Variants in UBR3 observed in about 807,000 individuals in gnomAD.
The protein encoded by UBR3 is E3 ubiquitin-protein ligase UBR3.
UBR3 carries 85 observed loss-of-function variants against 243.2 expected under a neutral mutation model. That is an observed-to-expected ratio of 0.35 (90% CI 0.29 to 0.42). The LOEUF (loss-of-function observed/expected upper bound fraction) is 0.42. UBR3 is among the 10% of genes least tolerant of loss of function. The pLI is 1.00. For synonymous variants in UBR3, 748 were observed against 799.8 expected (o/e 0.94, Z 1.09); for missense variants, 1,686 against 2,300.8 (o/e 0.73, Z 5.47).
chr2:170,050,267 G>A (rs139112161), intron 32 of UBR3, among the ~76,000 whole-genome samples: 230 of 152,306 alleles, frequency 1.5e-3, no homozygotes, highest in African/African-American at 5.3e-3. Flanking sequence ...GAGAGGGTCA[G>A]AGCACATGTA....
At chr2:170,053,007 T>C (rs16857544) in intron 32 of UBR3, among the ~76,000 whole-genome samples, 7,753 of 152,094 alleles carry the variant, frequency 0.051, 389 homozygotes, top group African/African-American at 0.13. Context: ...GGAGGAAAAA[T>C]AAAAGATCAT....
At chr2:170,050,143 T>C (rs1414032157) in intron 32 of UBR3, among the ~76,000 whole-genome samples, 3 of 152,188 alleles carry the variant, frequency 2.0e-5, no homozygotes, top group Non-Finnish European at 4.4e-5. Flanking sequence ...CTAAGGCAAA[T>C]GAAGTCTTTT....
intron 24 of UBR3, among the ~76,000 whole-genome samples, chr2:169,984,276 A>C (rs2088895552): frequency 6.6e-6 from 1 of 152,164 alleles, no homozygotes. Flanking sequence ...CTCATAATGC[A>C]TGTTTCAGGA....
At chr2:169,914,318 C>T (rs986604906) in intron 11 of UBR3, among the ~76,000 whole-genome samples, 172 bp downstream of exon 11, 1 of 152,074 alleles carries the variant, frequency 6.6e-6, no homozygotes, top group African/African-American at 2.4e-5. Flanking sequence ...GAGACTAGTT[C>T]TTTAGTTCTT....
At chr2:169,888,916 A>C (rs375196302) in intron 5 of UBR3, among the ~76,000 whole-genome samples, 2 of 151,934 alleles carry the variant, frequency 1.3e-5, no homozygotes, top group Admixed American at 6.6e-5. Flanking sequence ...GAAACCAAAG[A>C]CTTTTTTTTT....
In UBR3 at chr2:169,949,719, A is replaced by G; in HGVS notation, c.3199A>G (p.Ser1067Gly). 1 of 1,551,716 alleles carries G rather than the reference A, an allele frequency of 6.4e-7. No homozygotes were observed. Among genetic ancestry groups the G allele is most frequent in the Non-Finnish European group, 8.7e-7 (1 of 1,146,790 alleles). Reference protein sequence around the residue: ...ANQVVRPKTSSKWSAPGSAPQ... With the variant: ...ANQVVRPKTSGKWSAPGSAPQ... ...TCAGGTGGTTCGTCCCAAAACTTCA[A>G]GTAAATGGTCTGCTCCTGGTTCAGC... is the stretch of plus-strand genomic sequence containing the variant. The change falls in exon 23 of 39, where the codon AGT becomes GGT. Residue 1067 changes from serine to glycine, a missense_variant. Physicochemically the swap from Ser to Gly is moderately conservative, Grantham distance 56. Around this residue, in one of 8 missense-constraint regions of UBR3, gnomAD observed 300 missense variants for 314.4 expected, o/e 0.95. Transcript: ENST00000272793.
At chr2:170,073,406 T>C in intron 35 of UBR3, 22 bp from the exon 36 acceptor site, 2 of 1,612,112 alleles carry the variant, frequency 1.2e-6, no homozygotes, top group Non-Finnish European at 1.7e-6. Flanking sequence ...ATTTTCAGAA[T>C]TTCCTATTTC....
chr2:169,853,363 G>A (rs1485855738), intron 1 of UBR3, among the ~76,000 whole-genome samples: 2 of 152,092 alleles, frequency 1.3e-5, no homozygotes, highest in Non-Finnish European at 2.9e-5. Context: ...AAGATGTATA[G>A]GTTCTTTCTT....
At chr2:169,891,293 C>G (rs2084364767) in intron 6 of UBR3, 62 bp downstream of exon 6, 3 of 1,266,470 alleles carry the variant, frequency 2.4e-6, no homozygotes, top group Non-Finnish European at 3.3e-6. Flanking sequence ...TGCCTAATCA[C>G]TAAAAATACT....
chr2:170,055,924 T>C (rs1025122811), intron 33 of UBR3, among the ~76,000 whole-genome samples: 1 of 152,138 alleles, frequency 6.6e-6, no homozygotes, highest in Non-Finnish European at 1.5e-5. Context: ...ACTTTTTCTT[T>C]TTGTCCCTAT....
intron 35 of UBR3, among the ~76,000 whole-genome samples, chr2:170,065,900 T>G (rs932831450): frequency 6.6e-6 from 1 of 152,046 alleles, no homozygotes; most frequent in African/African-American, 2.4e-5. Context: ...AGTACTATTT[T>G]GAGCCGTGGA....
intron 8 of UBR3, among the ~76,000 whole-genome samples, chr2:169,900,255 G>C (rs2084765402): frequency 6.6e-6 from 1 of 152,184 alleles, no homozygotes; most frequent in East Asian, 1.9e-4. Context: ...CAGTGATGAT[G>C]AGCATTTTTC....
intron 8 of UBR3, among the ~76,000 whole-genome samples, chr2:169,899,573 T>C (rs1375929831): frequency 6.6e-6 from 1 of 152,180 alleles, no homozygotes; most frequent in Admixed American, 6.5e-5. Flanking sequence ...GTTTGTTACC[T>C]AGGTATACAT....
At chr2:169,920,608 T>G (rs1195974476) in intron 11 of UBR3, among the ~76,000 whole-genome samples, 3 of 152,142 alleles carry the variant, frequency 2.0e-5, no homozygotes, top group African/African-American at 7.2e-5. Flanking sequence ...TGTGCCTCAT[T>G]TTTTCTTCCC....
At chr2:169,876,531 T>TATTGTATTGTATTGTATTG (rs548140513) in intron 3 of UBR3, among the ~76,000 whole-genome samples, 122 of 147,336 alleles carry the variant, frequency 8.3e-4, no homozygotes, top group Non-Finnish European at 1.4e-3. Flanking sequence ...CTGCCTCTCT[T>TATTGTATTGTATTGTATTG]TATTGTATTG....
rs1487066219 is a variant in UBR3, at chr2:169,970,504, G to A, written c.3634+11978G>A. Among the ~76,000 whole-genome samples, 172 of 102,872 alleles carry A rather than the reference G, an allele frequency of 1.7e-3. 1 individual carries two copies. Among genetic ancestry groups the A allele is most frequent in the African/African-American group, 6.2e-3 (169 of 27,390 alleles). The allele number at this position is 102,872 out of a possible 152,430, so 67.5% of individuals were successfully genotyped here. On this transcript the variant is annotated intron_variant, in intron 24 of 38. Transcript: ENST00000272793. Reference sequence around the variant, plus strand: ...CCCACCCCACAACAGTCCCCAGAGTGTGATGTTCCCCTTCCTGTGTCCATG... The same window carrying A: ...CCCACCCCACAACAGTCCCCAGAGTATGATGTTCCCCTTCCTGTGTCCATG...
chr2:170,043,367 G>A lies in UBR3; in HGVS notation c.4660+2382G>A, dbSNP rs539483371. On this transcript the variant is annotated intron_variant, in intron 32 of 38. Transcript: ENST00000272793. ...TTGGCACTGGCTTTCAACAGAAGAC[G>A]AAGTTCATGCTCAAAGAGGATGCAA... is the stretch of plus-strand genomic sequence containing the variant. Among the ~76,000 whole-genome samples the A allele has an allele frequency of 2.0e-4, 31 of 152,238 alleles. No individual in the cohort carries two copies. In the South Asian group the frequency reaches 5.6e-3, roughly 28 times the overall value.
At chr2:170,011,055 C>T (rs1483060743) in intron 29 of UBR3, among the ~76,000 whole-genome samples, 1 of 152,054 alleles carries the variant, frequency 6.6e-6, no homozygotes, top group African/African-American at 2.4e-5. Flanking sequence ...GTCCCAGCTA[C>T]TTGGGAGGCT....
chr2:169,890,534 G>GATATAT (rs1329333538), intron 5 of UBR3, among the ~76,000 whole-genome samples: 3 of 17,456 alleles, frequency 1.7e-4, no homozygotes, highest in African/African-American at 5.3e-4. Context: ...AGGAGAGAGA[G>GATATAT]AGAGAGATAT....
Sources: allele counts gnomAD v4.1 joint callset (sites outside exome capture counted in the v4.1 genomes callset), GRCh38; gene constraint gnomAD v4.1.1; regional missense constraint gnomAD v4.1.1; transcripts MANE v1.5; gene names NCBI Gene and HGNC (gene_info 2026-07-23, HGNC 2026-07-21).